Variants in DHX15 observed in about 807,000 individuals in gnomAD.
DHX15 encodes DEAH-box helicase 15.
In DHX15, 11 loss-of-function variants were observed where a neutral mutation model predicts 94.4. The observed-to-expected ratio is 0.12, with a 90% CI of 0.07 to 0.19. The LOEUF is 0.19. DHX15 is among the 10% of genes least tolerant of loss of function. DHX15 has a pLI of 1.00. For missense variants in DHX15, 304 were observed against 988.5 expected (o/e 0.31, Z 9.29); for synonymous variants, 338 against 329.9 (o/e 1.02, Z -0.27).
intron 13 of DHX15, 113 bp from the exon 14 acceptor site, chr4:24,528,154 G>T: frequency 1.5e-6 from 1 of 660,654 alleles, no homozygotes; most frequent in Non-Finnish European, 2.7e-6. Flanking sequence ...GCAAATCTAT[G>T]AATTCAAGTC....
At chr4:24,584,286 G>A in intron 1 of DHX15, 37 bp downstream of exon 1, 1 of 1,593,666 alleles carries the variant, frequency 6.3e-7, no homozygotes. Context: ...CCCCAACAAA[G>A]CCCGAGCTGC....
At chr4:24,546,998 T>G (rs1306934048) in intron 6 of DHX15, among the ~76,000 whole-genome samples, 1 of 152,234 alleles carries the variant, frequency 6.6e-6, no homozygotes, top group Admixed American at 6.5e-5. Context: ...CCCTCCTCTA[T>G]AAGCCAGGCT....
chr4:24,574,787 T>C (rs1453308650), intron 2 of DHX15, among the ~76,000 whole-genome samples: 2 of 152,200 alleles, frequency 1.3e-5, no homozygotes, highest in Non-Finnish European at 2.9e-5. Flanking sequence ...GTATACAGTG[T>C]CTGGCTTTAC....
chr4:24,575,275 A>G (rs1722231829), intron 2 of DHX15, among the ~76,000 whole-genome samples: 1 of 152,226 alleles, frequency 6.6e-6, no homozygotes, highest in Non-Finnish European at 1.5e-5. Context: ...TAACTTTAGA[A>G]AAAGATAAAT....
chr4:24,579,421 C>G (rs1458494111), intron 1 of DHX15, among the ~76,000 whole-genome samples: 1 of 152,112 alleles, frequency 6.6e-6, no homozygotes, highest in Non-Finnish European at 1.5e-5. Context: ...TTAAAAGATA[C>G]TTTTTATTAT....
At chr4:24,582,354 C>T (rs958864529) in intron 1 of DHX15, among the ~76,000 whole-genome samples, 2 of 152,166 alleles carry the variant, frequency 1.3e-5, no homozygotes, top group South Asian at 2.1e-4. Context: ...AAAAGTCAAC[C>T]TTTTTACTAA....
intron 3 of DHX15, among the ~76,000 whole-genome samples, chr4:24,565,121 A>C (rs1156909820): frequency 2.0e-5 from 3 of 152,248 alleles, no homozygotes; most frequent in African/African-American, 7.2e-5. Flanking sequence ...AACAGAACTC[A>C]CAGAAAGCTA....
At chr4:24,553,750 C>T (rs1317261907) in intron 5 of DHX15, among the ~76,000 whole-genome samples, 1 of 151,992 alleles carries the variant, frequency 6.6e-6, no homozygotes, top group African/African-American at 2.4e-5. Flanking sequence ...TGCGCTCCAG[C>T]CTGGTTGACA....
At position 24,532,861 on chromosome 4, in the gene DHX15, T is replaced by C. The variant is rs374504531; in HGVS notation, c.2100+3A>G. ...GTTATTCATTCCCATATTATCTACA[T>C]ACCTGCATAAAATACCCAGTAACCA... On this transcript the variant is annotated splice_donor_region_variant and intron_variant, in intron 12 of 13. Coordinates refer to ENST00000336812, the MANE Select transcript of DHX15 (RefSeq NM_001358.3). 1 of 1,590,502 alleles carries C rather than the reference T, an allele frequency of 6.3e-7. No individual in the cohort carries two copies. Among genetic ancestry groups the C allele is most frequent in the Non-Finnish European group, 8.6e-7 (1 of 1,163,498 alleles).
chr4:24,547,950 T>TACACAC lies in DHX15; in HGVS notation c.1248+904_1248+905insGTGTGT, dbSNP rs1560766061. The stretch of plus-strand genomic sequence containing the variant: ...ATATATATATATATATATCTATATC[T>TACACAC]ATATCTATATCTATCTGCTGATGGG... On this transcript the variant is annotated intron_variant, in intron 6 of 13. Coordinates refer to ENST00000336812, the MANE Select transcript of DHX15 (RefSeq NM_001358.3). Among the ~76,000 whole-genome samples the TACACAC allele has an allele frequency of 4.1e-4, 5 of 12,200 alleles. No individual in the cohort carries two copies. The Admixed American group carries it at 6.1e-3, about 15-fold the overall frequency. 8.0% of individuals were successfully genotyped at this position (12,200 alleles called of 152,430 possible).
intron 11 of DHX15, among the ~76,000 whole-genome samples, chr4:24,534,956 C>CTT (rs35732046): frequency 0.021 from 2,975 of 143,222 alleles, 62 homozygotes; most frequent in South Asian, 0.029. Flanking sequence ...AAGTTTTTTG[C>CTT]TTTTTTTTTT....
intron 5 of DHX15, among the ~76,000 whole-genome samples, chr4:24,553,829 T>TA (rs1223780566): frequency 6.6e-6 from 1 of 152,150 alleles, no homozygotes; most frequent in African/African-American, 2.4e-5. Flanking sequence ...AAAGGCTTTT[T>TA]AAAACTTTGT....
At chr4:24,572,648 T>C (rs551198228) in intron 2 of DHX15, among the ~76,000 whole-genome samples, 22 of 121,456 alleles carry the variant, frequency 1.8e-4, no homozygotes, top group Non-Finnish European at 3.1e-4. Context: ...AAACTCATTC[T>C]GTTTTAACAC....
chr4:24,535,080 C>G (rs1370605876), intron 11 of DHX15, among the ~76,000 whole-genome samples: 1 of 151,752 alleles, frequency 6.6e-6, no homozygotes, highest in Admixed American at 6.6e-5. Flanking sequence ...TACTGCAAAC[C>G]CCTAAAAACC....
chr4:24,557,188 T>A (rs545516440), intron 3 of DHX15, among the ~76,000 whole-genome samples: 13 of 152,138 alleles, frequency 8.5e-5, no homozygotes, highest in Non-Finnish European at 1.2e-4. Context: ...CAAGATTGTA[T>A]AACTTTGCAG....
At chr4:24,565,959 G>C (rs1474883491) in intron 3 of DHX15, among the ~76,000 whole-genome samples, 3 of 152,044 alleles carry the variant, frequency 2.0e-5, no homozygotes, top group African/African-American at 7.3e-5. Context: ...CTAATACGTG[G>C]GCAGAGCTAG....
intron 3 of DHX15, among the ~76,000 whole-genome samples, chr4:24,558,407 A>T (rs1176181330): frequency 3.9e-5 from 6 of 152,130 alleles, no homozygotes; most frequent in African/African-American, 1.4e-4. Flanking sequence ...TTTTCTCCTC[A>T]CATTCCTCAA....
intron 2 of DHX15, among the ~76,000 whole-genome samples, chr4:24,576,013 G>A (rs1722259846): frequency 6.6e-6 from 1 of 152,086 alleles, no homozygotes; most frequent in Admixed American, 6.6e-5. Flanking sequence ...CCATACATAA[G>A]GTAACAAAAT....
intron 11 of DHX15, among the ~76,000 whole-genome samples, chr4:24,536,131 T>C (rs1721192501): frequency 1.3e-5 from 2 of 152,196 alleles, no homozygotes; most frequent in Non-Finnish European, 2.9e-5. Context: ...AATAACTTCA[T>C]TGTTATTATG....
Sources: gnomAD v4.1 joint callset for allele counts (sites outside exome capture counted in the v4.1 genomes callset) on GRCh38, gnomAD v4.1.1 for gene constraint, MANE v1.5 for transcripts, NCBI Gene and HGNC (gene_info 2026-07-23, HGNC 2026-07-21) for gene names.